The following LRRN2 variants were observed in gnomAD, a reference collection of about 807,000 sequenced individuals.
LRRN2 encodes leucine rich repeat neuronal 2.
LRRN2 carries 10 observed loss-of-function variants against 35.7 expected under a neutral mutation model. That is an observed-to-expected ratio of 0.28 (90% CI 0.17 to 0.47). LRRN2 has a LOEUF of 0.47. LRRN2 is among the 20% of genes least tolerant of loss of function. LRRN2 has a pLI of 0.99. For missense variants in LRRN2, 731 were observed against 940.3 expected (o/e 0.78, Z 2.91); for synonymous variants, 391 against 409.6 (o/e 0.95, Z 0.55).
intron 1 of LRRN2, among the ~76,000 whole-genome samples, chr1:204,631,158 A>T (rs1667681418): frequency 1.3e-5 from 2 of 149,040 alleles, no homozygotes; most frequent in Admixed American, 6.7e-5. Flanking sequence ...GTTCTGATGC[A>T]TGCTGAAGTT....
chr1:204,656,044 G>C (rs1668347488), intron 1 of LRRN2, among the ~76,000 whole-genome samples: 1 of 152,092 alleles, frequency 6.6e-6, no homozygotes, highest in Non-Finnish European at 1.5e-5. Context: ...CCAGTAGCTG[G>C]GACTACAGGC....
intron 1 of LRRN2, among the ~76,000 whole-genome samples, chr1:204,655,882 C>A (rs1668341915): frequency 6.6e-6 from 1 of 152,212 alleles, no homozygotes; most frequent in Admixed American, 6.5e-5. Flanking sequence ...CGCTCCATAT[C>A]TTTCCTTCCC....
intron 1 of LRRN2, among the ~76,000 whole-genome samples, chr1:204,630,167 G>A (rs7551222): frequency 0.68 from 104,187 of 152,154 alleles, 36,011 homozygotes; most frequent in East Asian, 0.88. Context: ...GCTCGAGCAC[G>A]GGGACAGTGG....
intron 1 of LRRN2, among the ~76,000 whole-genome samples, chr1:204,637,205 G>A (rs1253139277): frequency 1.3e-5 from 2 of 152,206 alleles, no homozygotes; most frequent in African/African-American, 4.8e-5. Context: ...AGCCAGGACT[G>A]AGAACTATTA....
intron 1 of LRRN2, among the ~76,000 whole-genome samples, chr1:204,644,973 C>T (rs1324822102): frequency 3.3e-5 from 5 of 152,230 alleles, no homozygotes; most frequent in African/African-American, 1.2e-4. Context: ...AGGCTCATCC[C>T]ATCTGGATTC....
At chr1:204,667,634 G>A (rs992832125) in intron 1 of LRRN2, among the ~76,000 whole-genome samples, 43 of 152,184 alleles carry the variant, frequency 2.8e-4, no homozygotes, top group African/African-American at 9.7e-4. Flanking sequence ...TTAATAGAAT[G>A]TGCTGACTGT....
At chr1:204,623,363 C>T (rs1309890901) in intron 1 of LRRN2, among the ~76,000 whole-genome samples, 1 of 152,238 alleles carries the variant, frequency 6.6e-6, no homozygotes, top group Non-Finnish European at 1.5e-5. Flanking sequence ...CCCCAGACTG[C>T]TGCCCCTTCC....
At chr1:204,641,974 T>G in intron 1 of LRRN2, among the ~76,000 whole-genome samples, 1 of 151,194 alleles carries the variant, frequency 6.6e-6, no homozygotes. Flanking sequence ...TGTGGAAGAG[T>G]GTGTGTGTTG....
At chr1:204,664,848 G>A (rs1558420378) in intron 1 of LRRN2, among the ~76,000 whole-genome samples, 1 of 152,116 alleles carries the variant, frequency 6.6e-6, no homozygotes, top group Non-Finnish European at 1.5e-5. Flanking sequence ...CTGCCGTCCG[G>A]CAGGCCCATC....
intron 1 of LRRN2, among the ~76,000 whole-genome samples, chr1:204,675,881 A>G (rs1185054078): frequency 6.6e-6 from 1 of 152,174 alleles, no homozygotes; most frequent in Admixed American, 6.5e-5. Context: ...CCTTTTCTCC[A>G]TGGGGGATAT....
intron 1 of LRRN2, among the ~76,000 whole-genome samples, chr1:204,681,585 CGGTGA>C (rs1668956719): frequency 6.6e-6 from 1 of 152,168 alleles, no homozygotes; most frequent in African/African-American, 2.4e-5. Context: ...TCTACTCTGA[CGGTGA>C]ACTCCTTGAA....
intron 1 of LRRN2, among the ~76,000 whole-genome samples, chr1:204,665,536 C>G (rs1668559623): frequency 6.6e-6 from 1 of 152,192 alleles, no homozygotes; most frequent in African/African-American, 2.4e-5. Flanking sequence ...CTACTTGTGG[C>G]CCATGGTAAG....
intron 1 of LRRN2, among the ~76,000 whole-genome samples, chr1:204,656,850 A>G (rs1046270588): frequency 3.9e-5 from 6 of 152,164 alleles, no homozygotes; most frequent in African/African-American, 1.4e-4. Context: ...TCTCTTCTTC[A>G]TTAATTGTGC....
In LRRN2 at chr1:204,631,905, C is replaced by A. The variant is rs554856170; in HGVS notation, c.-226-11687G>T. ...GAATGGTCTGGACACAATACCCAGG[C>A]AGAGGCCAGCCAAAGGAGGCATATA... is the stretch of plus-strand genomic sequence containing the variant. On this transcript the variant is annotated intron_variant, in intron 1 of 1. Coordinates refer to ENST00000367177, the MANE Select transcript of LRRN2 (RefSeq NM_201630.2). Among the ~76,000 whole-genome samples the A allele has an allele frequency of 9.9e-5, 15 of 152,262 alleles. No homozygotes were observed. The South Asian group carries it at 3.1e-3, about 32-fold the overall frequency.
intron 1 of LRRN2, among the ~76,000 whole-genome samples, chr1:204,638,402 CTTTTT>C (rs971289134): frequency 3.1e-4 from 22 of 71,674 alleles, no homozygotes; most frequent in East Asian, 1.7e-3. Flanking sequence ...CAAGGTCTTC[CTTTTT>C]TTTTTTTTTT....
intron 1 of LRRN2, among the ~76,000 whole-genome samples, chr1:204,647,875 T>A (rs998261969): frequency 1.3e-5 from 2 of 152,236 alleles, no homozygotes; most frequent in Admixed American, 1.3e-4. Flanking sequence ...GAAAAAAGAA[T>A]GTGAAACATC....
intron 1 of LRRN2, among the ~76,000 whole-genome samples, chr1:204,662,931 G>GA (rs111337144): frequency 8.6e-5 from 13 of 151,304 alleles, no homozygotes; most frequent in East Asian, 5.8e-4. Flanking sequence ...GACTGAGCTG[G>GA]AAAAAAAAAG....
chr1:204,647,563 A>G (rs1026935012), intron 1 of LRRN2, among the ~76,000 whole-genome samples: 1 of 152,176 alleles, frequency 6.6e-6, no homozygotes, highest in African/African-American at 2.4e-5. Context: ...GAGGTGGAGG[A>G]TGGGCAGGTA....
intron 1 of LRRN2, among the ~76,000 whole-genome samples, chr1:204,637,437 C>T (rs556064262): frequency 6.6e-6 from 1 of 152,248 alleles, no homozygotes; most frequent in East Asian, 1.9e-4. Flanking sequence ...GGGAGCGGCT[C>T]AGGGAGACGC....
Sources: gnomAD v4.1 joint callset for allele counts (sites outside exome capture counted in the v4.1 genomes callset) on GRCh38, gnomAD v4.1.1 for gene constraint, MANE v1.5 for transcripts, NCBI Gene and HGNC (gene_info 2026-07-23, HGNC 2026-07-21) for gene names.